The following TMEM260 variants were observed in gnomAD, a reference collection of about 807,000 sequenced individuals.
TMEM260 encodes transmembrane protein 260.
In TMEM260, 82 loss-of-function variants were observed where a neutral mutation model predicts 88.9. The ratio of observed to expected loss-of-function variants is 0.92; its 90% confidence interval spans 0.77 to 1.11. The LOEUF is 1.11. TMEM260 is among the 50% of genes least tolerant of loss of function. The probability of loss-of-function intolerance (pLI) is 0.00; values close to 1 mark genes in which losing one functional copy is unlikely to be tolerated. For synonymous variants in TMEM260, 314 were observed against 309.3 expected (o/e 1.02, Z -0.16); for missense variants, 902 against 853.4 (o/e 1.06, Z -0.71).
At chr14:56,602,114 C>T (rs1344554091) in intron 3 of TMEM260, among the ~76,000 whole-genome samples, 1 of 152,146 alleles carries the variant, frequency 6.6e-6, no homozygotes, top group East Asian at 1.9e-4. Context: ...GGGCTAGATA[C>T]TTCCAATATA....
At chr14:56,651,432 T>C (rs1223308970), downstream of TMEM260, among the ~76,000 whole-genome samples, 1 of 151,978 alleles carries the variant, frequency 6.6e-6, no homozygotes, top group Non-Finnish European at 1.5e-5. Flanking sequence ...AAAAAAAAGG[T>C]GGTGATGCCA....
At chr14:56,583,392 C>G (rs1394920454) in intron 1 of TMEM260, among the ~76,000 whole-genome samples, 1 of 152,110 alleles carries the variant, frequency 6.6e-6, no homozygotes, top group East Asian at 1.9e-4. Flanking sequence ...TTCCATGATG[C>G]AGTCACCTAA....
chr14:56,593,314 C>G (rs896423696), intron 3 of TMEM260: 4 of 152,130 alleles, frequency 2.6e-5, no homozygotes, highest in Non-Finnish European at 4.4e-5. Context: ...TTTGCATGAT[C>G]TGGGTGAGAT....
At chr14:56,617,785 T>G (rs1323769225) in intron 9 of TMEM260, among the ~76,000 whole-genome samples, 4 of 152,216 alleles carry the variant, frequency 2.6e-5, no homozygotes, top group African/African-American at 9.6e-5. Context: ...AGCACTTTTT[T>G]GACAGCTGAA....
chr14:56,592,753 A>G (rs1885944253), intron 3 of TMEM260, among the ~76,000 whole-genome samples: 1 of 152,204 alleles, frequency 6.6e-6, no homozygotes, highest in African/African-American at 2.4e-5. Context: ...ACTAATAGTA[A>G]TTTATTAAAC....
intron 3 of TMEM260, among the ~76,000 whole-genome samples, chr14:56,602,683 A>G (rs182880322): frequency 1.4e-4 from 22 of 152,326 alleles, no homozygotes; most frequent in Admixed American, 3.9e-4. Context: ...TTGAATCAGG[A>G]TCGCTGGAAG....
At chr14:56,652,689 T>C (rs2139669969), downstream of TMEM260, among the ~76,000 whole-genome samples, 1 of 152,296 alleles carries the variant, frequency 6.6e-6, no homozygotes, top group Non-Finnish European at 1.5e-5. Context: ...AGTTCAATTA[T>C]GCAGAGCTTA....
intron 5 of TMEM260, among the ~76,000 whole-genome samples, chr14:56,606,690 G>A (rs1178202539): frequency 6.6e-6 from 1 of 152,094 alleles, no homozygotes; most frequent in African/African-American, 2.4e-5. Context: ...TCAGGAGTTC[G>A]AGACCAGCCT....
chr14:56,661,492 A>G, the TMEM260 span, among the ~76,000 whole-genome samples: 138 of 149,882 alleles, frequency 9.2e-4, no homozygotes, highest in African/African-American at 3.3e-3. Flanking sequence ...GGTGAAAGAA[A>G]GAAAAAGCAA....
downstream of TMEM260, among the ~76,000 whole-genome samples, chr14:56,651,117 C>G (rs1045528982): frequency 6.6e-6 from 1 of 152,116 alleles, no homozygotes; most frequent in African/African-American, 2.4e-5. Flanking sequence ...AGGCCAAGAT[C>G]TTGGCACAGC....
At chr14:56,635,344 ATTAG>A (rs1888962460) in intron 14 of TMEM260, among the ~76,000 whole-genome samples, 1 of 152,240 alleles carries the variant, frequency 6.6e-6, no homozygotes, top group African/African-American at 2.4e-5. Context: ...GTGCCTGTCA[ATTAG>A]TTAAGCACTT....
intron 12 of TMEM260, among the ~76,000 whole-genome samples, chr14:56,626,162 T>G (rs1888233210): frequency 6.6e-6 from 1 of 152,252 alleles, no homozygotes; most frequent in East Asian, 1.9e-4. Flanking sequence ...TGATTTATTT[T>G]TTCTTATAAA....
At chr14:56,594,160 C>T (rs1289075965) in intron 3 of TMEM260, among the ~76,000 whole-genome samples, 3 of 152,136 alleles carry the variant, frequency 2.0e-5, no homozygotes, top group Non-Finnish European at 2.9e-5. Context: ...TGACCTTGCT[C>T]TGTTTAGGCT....
At chr14:56,580,820 T>A (rs1489876332) in intron 1 of TMEM260, among the ~76,000 whole-genome samples, 1 of 152,230 alleles carries the variant, frequency 6.6e-6, no homozygotes, top group Non-Finnish European at 1.5e-5. Flanking sequence ...AATAATGCCA[T>A]ATCATGGCCA....
At chr14:56,647,211 A>G in intron 15 of TMEM260, 32 bp from the exon 16 acceptor site, 1 of 1,556,664 alleles carries the variant, frequency 6.4e-7, no homozygotes, top group Non-Finnish European at 8.7e-7. Flanking sequence ...AAAGAATAAC[A>G]ATGGAATACC....
At chr14:56,659,654 A>T in the TMEM260 span, among the ~76,000 whole-genome samples, 1 of 152,106 alleles carries the variant, frequency 6.6e-6, no homozygotes, top group Non-Finnish European at 1.5e-5. Context: ...AGCAGGATCT[A>T]GTCGGGGATT....
At chr14:56,639,126 T>A (rs908443536) in intron 15 of TMEM260, among the ~76,000 whole-genome samples, 1 of 152,166 alleles carries the variant, frequency 6.6e-6, no homozygotes, top group African/African-American at 2.4e-5. Context: ...AGTGTTGGCA[T>A]CTATTTTGGA....
intron 1 of TMEM260, among the ~76,000 whole-genome samples, chr14:56,580,396 T>C (rs1235529440): frequency 6.6e-6 from 1 of 152,248 alleles, no homozygotes; most frequent in African/African-American, 2.4e-5. Context: ...TCCACAGATA[T>C]TATTCACGGT....
intron 1 of TMEM260, among the ~76,000 whole-genome samples, chr14:56,581,789 A>G: frequency 6.6e-6 from 1 of 152,216 alleles, no homozygotes; most frequent in East Asian, 1.9e-4. Flanking sequence ...GGAAAAGAAA[A>G]GTATATTGAC....
Sources: allele counts gnomAD v4.1 joint callset (sites outside exome capture counted in the v4.1 genomes callset), GRCh38; gene constraint gnomAD v4.1.1; transcripts MANE v1.5; gene names NCBI Gene and HGNC (gene_info 2026-07-23, HGNC 2026-07-21).